The following NIN variants were observed in gnomAD, a reference collection of about 807,000 sequenced individuals.
NIN encodes the protein ninein, also known as glycogen synthase kinase 3 beta-interacting protein.
In NIN, 137 loss-of-function variants were observed where a neutral mutation model predicts 257.6. That is an observed-to-expected ratio of 0.53 (90% CI 0.46 to 0.61). The LOEUF is 0.61. NIN is among the 20% of genes least tolerant of loss of function. The pLI is 0.00. For synonymous variants in NIN, 918 were observed against 919.8 expected (o/e 1.00, Z 0.04); for missense variants, 2,439 against 2,501.2 (o/e 0.98, Z 0.53).
At chr14:50,771,076 C>T (rs2042711955) in intron 10 of NIN, 84 bp from the exon 11 acceptor site, 1 of 1,498,644 alleles carries the variant, frequency 6.7e-7, no homozygotes, top group South Asian at 1.3e-5. Flanking sequence ...TGGCTTGCAT[C>T]AATACAGAAG....
rs1373527277 is a variant in NIN at position 50,723,350 on chromosome 14, T to G, written c.*113A>C. The stretch of plus-strand genomic sequence containing the variant: ...AAAACTAATTATGATAAATGGAAAC[T>G]CCAGTTGTGTTGCTGGCAGTTTTAG... On this transcript the variant is annotated 3_prime_UTR_variant, in exon 31 of 31. Transcript: ENST00000530997. The G allele has an allele frequency of 6.3e-6, 5 of 797,282 alleles. No homozygotes were observed. The highest frequency in any genetic ancestry group is 1.0e-5 in the Non-Finnish European group (5 of 500,312). The allele number at this position is 797,282 out of a possible 1,614,324, so 49.4% of individuals were successfully genotyped here. A position where few individuals can be genotyped will look rare whatever the true frequency, so the allele number is the denominator to read the frequency against.
At chr14:50,764,062 T>C (rs2042380273) in intron 14 of NIN, 98 bp from the exon 15 acceptor site, 1 of 1,071,988 alleles carries the variant, frequency 9.3e-7, no homozygotes, top group Non-Finnish European at 1.4e-6. Context: ...CAAAACAAAA[T>C]CTTTTGTGCT....
At chr14:50,788,832 C>T (rs2043454332) in intron 5 of NIN, among the ~76,000 whole-genome samples, 1 of 152,178 alleles carries the variant, frequency 6.6e-6, no homozygotes, top group Admixed American at 6.5e-5. Context: ...TTATTTGATG[C>T]AACCTAGAGC....
At chr14:50,724,660 C>G (rs528387071) in intron 30 of NIN, among the ~76,000 whole-genome samples, 1 of 152,314 alleles carries the variant, frequency 6.6e-6, no homozygotes, top group Admixed American at 6.5e-5. Flanking sequence ...GTTCCCCCTT[C>G]CTCTCTAGTC....
chr14:50,766,671 AC>A (rs2042501263), intron 13 of NIN, 108 bp downstream of exon 13: 1 of 744,216 alleles, frequency 1.3e-6, no homozygotes, highest in African/African-American at 1.8e-5. Flanking sequence ...CCATTTAGCT[AC>A]CCCAGTAATT....
chr14:50,741,604 T>A lies in NIN; in HGVS notation c.5426A>T (p.Gln1809Leu). 1 of 1,614,074 alleles carries A rather than the reference T, an allele frequency of 6.2e-7. No homozygotes were observed. Among genetic ancestry groups the A allele is most frequent in the Non-Finnish European group, 8.5e-7 (1 of 1,180,008 alleles). The change falls in exon 25 of 31, where the codon CAA becomes CTA. Residue 1809 changes from glutamine to leucine, a missense_variant. Around this residue, in one of 3 missense-constraint regions of NIN, gnomAD observed 2,043 missense variants for 2,050.2 expected, o/e 1.00. Transcript: ENST00000530997. Reference sequence around the variant, plus strand: ...CACCTTGCCACCAGCATTCTGAAGTTGCTTATGTAAAGACATCACTTCTTG... The same window carrying A: ...CACCTTGCCACCAGCATTCTGAAGTAGCTTATGTAAAGACATCACTTCTTG... ...LKQEVMSLHK[Q>L]LQNAGGKSWA...
rs2040297316 is a variant in NIN, at chr14:50,722,909, T to C, written c.*554A>G. ...GTTAGAAGGTTAGAATTCTACAGAT[T>C]TGGGTTTGTCTGATGTCAGCGGTTA... is the stretch of plus-strand genomic sequence containing the variant. On this transcript the variant is annotated 3_prime_UTR_variant, in exon 31 of 31. Transcript: ENST00000530997. 2 of 214,892 alleles carry C rather than the reference T, an allele frequency of 9.3e-6. No individual in the cohort carries two copies. Among genetic ancestry groups the C allele is most frequent in the Admixed American group, 5.8e-5 (1 of 17,176 alleles). The allele number at this position is 214,892 out of a possible 1,614,324, so 13.3% of individuals were successfully genotyped here.
chr14:50,821,206 G>T (rs972754130), intron 3 of NIN, among the ~76,000 whole-genome samples: 8 of 152,172 alleles, frequency 5.3e-5, no homozygotes, highest in Non-Finnish European at 1.0e-4. Flanking sequence ...GCAATCTCAG[G>T]TCATGGCAGA....
At chr14:50,798,443 T>C (rs2142089203) in intron 4 of NIN, among the ~76,000 whole-genome samples, 1 of 151,204 alleles carries the variant, frequency 6.6e-6, no homozygotes. Context: ...AGCTGGTGGA[T>C]GAGTGTGGCA....
At chr14:50,751,597 C>T (rs1031795718) in intron 21 of NIN, among the ~76,000 whole-genome samples, 2 of 152,190 alleles carry the variant, frequency 1.3e-5, no homozygotes, top group African/African-American at 4.8e-5. Context: ...TAGGGTCTCA[C>T]CCAGGCTAGA....
chr14:50,747,947 G>T, intron 22 of NIN, 45 bp downstream of exon 22: 2 of 1,261,808 alleles, frequency 1.6e-6, no homozygotes, highest in Non-Finnish European at 2.3e-6. Context: ...AGCCCACCAG[G>T]TACATATTGT....
chr14:50,825,447 T>C (rs1246717770), intron 2 of NIN, among the ~76,000 whole-genome samples: 1 of 152,234 alleles, frequency 6.6e-6, no homozygotes, highest in Non-Finnish European at 1.5e-5. Flanking sequence ...GGGAATTACT[T>C]CTGAACATTT....
chr14:50,750,306 A>G (rs2140676026), intron 21 of NIN, among the ~76,000 whole-genome samples: 1 of 152,246 alleles, frequency 6.6e-6, no homozygotes, highest in Admixed American at 6.5e-5. Flanking sequence ...TTCTGTATCT[A>G]TCTAGCTTTG....
chr14:50,794,685 G>A (rs2043755870), intron 4 of NIN, among the ~76,000 whole-genome samples: 1 of 150,244 alleles, frequency 6.7e-6, no homozygotes, highest in Admixed American at 6.7e-5. Flanking sequence ...TATTTTCCCA[G>A]TATAAGAACA....
intron 5 of NIN, 130 bp from the exon 6 acceptor site, chr14:50,778,934 C>T (rs1268102169): frequency 3.2e-6 from 3 of 929,388 alleles, no homozygotes; most frequent in Non-Finnish European, 5.1e-6. Flanking sequence ...TTTCAGGACT[C>T]TCTAGTGTAT....
chr14:50,800,636 G>A (rs2044057283), intron 4 of NIN, among the ~76,000 whole-genome samples: 1 of 152,130 alleles, frequency 6.6e-6, no homozygotes, highest in Admixed American at 6.5e-5. Context: ...TATTATCTTA[G>A]GTAATCCTAG....
intron 5 of NIN, among the ~76,000 whole-genome samples, chr14:50,791,807 G>GCACACACACACA (rs373370758): frequency 2.2e-4 from 26 of 116,762 alleles, no homozygotes; most frequent in African/African-American, 9.1e-4. Context: ...AGGTGCACGC[G>GCACACACACACA]CACACACACA....
intron 6 of NIN, 94 bp from the exon 7 acceptor site, chr14:50,777,233 C>A: frequency 9.8e-7 from 1 of 1,023,954 alleles, no homozygotes. Context: ...AAAATAAATA[C>A]TGTAAGAAAA....
rs112630570 is a variant in NIN at position 50,791,804 on chromosome 14, C to T, written c.435+908G>A. On this transcript the variant is annotated intron_variant, in intron 5 of 30. Transcript: ENST00000530997. ...AGACCACAATGAACACACAGGTGCACGCGCACACACACACACACACACACA... is the reference window on the plus strand; with the variant it reads ...AGACCACAATGAACACACAGGTGCATGCGCACACACACACACACACACACA... Among the ~76,000 whole-genome samples the T allele has an allele frequency of 9.2e-3, 867 of 94,578 alleles. 11 individuals carry two copies. Among genetic ancestry groups the T allele is most frequent in the African/African-American group, 0.035 (817 of 23,670 alleles). The allele number at this position is 94,578 out of a possible 152,430, so 62.0% of individuals were successfully genotyped here. A position where few individuals can be genotyped will look rare whatever the true frequency, so the allele number is the denominator to read the frequency against.
Sources: allele counts gnomAD v4.1 joint callset (sites outside exome capture counted in the v4.1 genomes callset), GRCh38; gene constraint gnomAD v4.1.1; regional missense constraint gnomAD v4.1.1; transcripts MANE v1.5; gene names NCBI Gene and HGNC (gene_info 2026-07-23, HGNC 2026-07-21).